HTRA3: variants seen among roughly 807,000 people sequenced by gnomAD.
The protein encoded by HTRA3 is HtrA serine peptidase 3, also known as serine protease HTRA3.
A neutral mutation model predicts 43.2 loss-of-function variants in HTRA3; 41 were observed. The ratio of observed to expected loss-of-function variants is 0.95; its 90% confidence interval spans 0.74 to 1.23. HTRA3 has a LOEUF of 1.23. HTRA3 is among the 50% of genes most tolerant of loss of function. HTRA3 has a pLI of 0.00. For synonymous variants in HTRA3, 295 were observed against 287.9 expected, an observed-to-expected ratio of 1.02 and a Z score of -0.25; for missense variants, 628 against 647.1, an observed-to-expected ratio of 0.97 and a Z score of 0.32.
chr4:8,271,910 G>A (rs543346767), intron 1 of HTRA3, among the ~76,000 whole-genome samples: 15 of 152,202 alleles, frequency 9.9e-5, no homozygotes, highest in Non-Finnish European at 1.8e-4. Context: ...GATGAGGTCC[G>A]GCTTGTGTTG....
At chr4:8,283,298 A>T (rs1187101395) in intron 2 of HTRA3, among the ~76,000 whole-genome samples, 1 of 151,976 alleles carries the variant, frequency 6.6e-6, no homozygotes, top group Non-Finnish European at 1.5e-5. Flanking sequence ...GTGTGGCTTC[A>T]CCCCCGAGCA....
chr4:8,270,167 G>A lies in HTRA3; in HGVS notation c.199G>A (p.Asp67Asn). ...GGGCGAGCCCTGTGGCGGCCCTCTG[G>A]ACTCGCCTTGCGGCGAGAGCCTGGA... ...SEGEPCGGPL[D>N]SPCGESLECV... is the part of the protein sequence containing the mutation. The change falls in exon 1 of 9, where the codon GAC becomes AAC. Residue 67 changes from aspartate (D) to asparagine (N), a missense_variant. Physicochemically the swap from Asp to Asn is conservative, Grantham distance 23. Transcript: ENST00000307358. 6.5e-7 allele frequency: 1 copy of A among 1,539,046 alleles called. No homozygotes were observed. The highest frequency in any genetic ancestry group is 8.6e-7 in the Non-Finnish European group (1 of 1,156,328).
In HTRA3 at chr4:8,286,565, C is replaced by A. The variant is rs1466876815; in HGVS notation, c.490C>A (p.Pro164Thr). 2 of 1,613,536 alleles carry A rather than the reference C, an allele frequency of 1.2e-6. No individual in the cohort carries two copies. The highest frequency in any genetic ancestry group is 1.1e-5 in the South Asian group (1 of 91,058). The change falls in exon 3 of 9, where the codon CCG (proline) becomes ACG (threonine). Residue 164 changes from proline to threonine, a missense_variant. Coordinates refer to ENST00000307358, the MANE Select transcript of HTRA3 (RefSeq NM_053044.5). The surrounding 1 kb of genome is among the most constrained non-coding windows in gnomAD (Gnocchi z 4.9). ...VVHIELFLRH[P>T]LFGRNVPLSS... ...CCTGTGTCTCCCTGGCTGCAGACAC[C>A]CGCTGTTTGGCCGCAACGTGCCCCT...
chr4:8,289,249 CA>C (rs1713130143), intron 3 of HTRA3, among the ~76,000 whole-genome samples: 1 of 152,206 alleles, frequency 6.6e-6, no homozygotes, highest in Non-Finnish European at 1.5e-5. Flanking sequence ...GGTGCCCAGC[CA>C]ACAAATTTTC....
chr4:8,304,059 G>A lies in HTRA3; in HGVS notation c.1101-125G>A. ...CACAGAGTGGCCAGTGGTGGGACAG[G>A]GCAGTATGGGGGCCCAGAGGTGGCT... On this transcript the variant is annotated intron_variant, in intron 7 of 8. Coordinates refer to ENST00000307358, the MANE Select transcript of HTRA3 (RefSeq NM_053044.5). 5.9e-6 allele frequency: 4 copies of A among 673,880 alleles called. No individual in the cohort carries two copies. The South Asian group carries it at 7.2e-5, about 12-fold the overall frequency. The allele number at this position is 673,880 out of a possible 1,614,324, so 41.7% of individuals were successfully genotyped here.
rs745539771 is a variant in HTRA3 at position 8,270,141 on chromosome 4, A to T, written c.173A>T (p.Glu58Val). Reference protein sequence around the residue: ...CNCCLVCAASEGEPCGGPLDS... With the variant: ...CNCCLVCAASVGEPCGGPLDS... ...TGCTGCCTGGTGTGCGCCGCCAGCG[A>T]GGGCGAGCCCTGTGGCGGCCCTCTG... The change falls in exon 1 of 9, where the codon GAG (glutamate) becomes GTG (valine). Residue 58 changes from glutamate (E) to valine (V), a missense_variant. Physicochemically the swap from Glu to Val is moderately radical, Grantham distance 121. Transcript: ENST00000307358. 6.5e-7 allele frequency: 1 copy of T among 1,544,052 alleles called. No individual in the cohort carries two copies. Among genetic ancestry groups the T allele is most frequent in the Admixed American group, 1.9e-5 (1 of 52,302 alleles).
Position 8,286,583 on chromosome 4 carries a change from G to C in HTRA3, c.508G>C (p.Val170Leu). ...FLRHPLFGRNVPLSSGSGFIM... is the reference protein window; with the variant it reads ...FLRHPLFGRNLPLSSGSGFIM... ...CAGACACCCGCTGTTTGGCCGCAAC[G>C]TGCCCCTGTCCAGCGGTTCTGGCTT... Residue 170 changes from valine (V) to leucine (L), a missense_variant, in exon 3 of 9, where the codon GTG (valine) becomes CTG (leucine). By Grantham distance (32) the Val-to-Leu change is conservative. Coordinates refer to ENST00000307358, the MANE Select transcript of HTRA3 (RefSeq NM_053044.5). The surrounding 1 kb of genome is among the most constrained non-coding windows in gnomAD (Gnocchi z 4.9). The C allele has an allele frequency of 6.2e-7, 1 of 1,613,982 alleles. No individual in the cohort carries two copies. The highest frequency in any genetic ancestry group is 8.5e-7 in the Non-Finnish European group (1 of 1,180,030).
chr4:8,291,249 G>A (rs1315266870), intron 3 of HTRA3, 121 bp from the exon 4 acceptor site: 12 of 840,862 alleles, frequency 1.4e-5, no homozygotes, highest in Non-Finnish European at 9.9e-6. Flanking sequence ...TCACAGTCCT[G>A]GTGGCTTTGC....
At chr4:8,272,781 C>T (rs1306976383) in intron 1 of HTRA3, among the ~76,000 whole-genome samples, 1 of 152,230 alleles carries the variant, frequency 6.6e-6, no homozygotes, top group Non-Finnish European at 1.5e-5. Context: ...CCCGAGAGCC[C>T]TGTCGCCACC....
chr4:8,296,485 C>CTTTAGAT lies in HTRA3; in HGVS notation c.1051+2285_1051+2286insTTAGATT, dbSNP rs1713462356. Reference sequence around the variant, plus strand: ...ATCCAATGATCCAAACCCAGTTAATCTAAAGTTCTTTGAAATGAACCATCT... The same window carrying CTTTAGAT: ...ATCCAATGATCCAAACCCAGTTAATCTTTAGATTAAAGTTCTTTGAAATGAACCATCT... On this transcript the variant is annotated intron_variant, in intron 6 of 8. Coordinates refer to ENST00000307358, the MANE Select transcript of HTRA3 (RefSeq NM_053044.5). The surrounding 1 kb of genome is among the most constrained non-coding windows in gnomAD (Gnocchi z 5.3). 1.0e-6 allele frequency: 1 copy of CTTTAGAT among 984,834 alleles called. No homozygotes were observed. Among genetic ancestry groups the CTTTAGAT allele is most frequent in the South Asian group, 4.7e-5 (1 of 21,274 alleles). 61.0% of individuals were successfully genotyped at this position (984,834 alleles called of 1,614,324 possible). A position where few individuals can be genotyped will look rare whatever the true frequency, so the allele number is the denominator to read the frequency against.
intron 5 of HTRA3, 51 bp downstream of exon 5, chr4:8,292,404 C>T: frequency 6.7e-7 from 1 of 1,494,648 alleles, no homozygotes; most frequent in Non-Finnish European, 9.3e-7. Flanking sequence ...GTTCTTCTCA[C>T]ATGGGGGTGC....
At chr4:8,283,738 G>A (rs575346210) in intron 2 of HTRA3, among the ~76,000 whole-genome samples, 2 of 152,222 alleles carry the variant, frequency 1.3e-5, no homozygotes, top group Non-Finnish European at 2.9e-5. Context: ...ACCAGAGGCC[G>A]CAGGCCAGGG....
intron 1 of HTRA3, among the ~76,000 whole-genome samples, chr4:8,278,820 A>G (rs1712630965): frequency 1.3e-5 from 2 of 152,218 alleles, no homozygotes; most frequent in African/African-American, 4.8e-5. Flanking sequence ...CCTGGGCCAT[A>G]AAATGGGCGA....
rs1330722632 is a variant in HTRA3 at position 8,306,741 on chromosome 4, A to T, written c.*605A>T. The T allele has an allele frequency of 6.6e-6, 1 of 152,544 alleles. No homozygotes were observed. Among genetic ancestry groups the T allele is most frequent in the Non-Finnish European group, 1.5e-5 (1 of 68,094 alleles). The allele number at this position is 152,544 out of a possible 1,614,324, so 9.4% of individuals were successfully genotyped here. On this transcript the variant is annotated 3_prime_UTR_variant, in exon 9 of 9. Transcript: ENST00000307358. The surrounding 1 kb of genome is among the most constrained non-coding windows in gnomAD (Gnocchi z 8.9). ...CTGCGGAGCTGAGCCCCGCCCTGCC[A>T]TGAGGTTTTCCTCCCCAGGCAGGCA...
Position 8,297,887 on chromosome 4 carries a change from C to A in HTRA3, c.1051+3686C>A, listed in dbSNP as rs146891183. ...TCCCACTAAGAGCACCTGTCAAGAC[C>A]CCCCTGCTCCTGCAGCCCCACCTGC... On this transcript the variant is annotated intron_variant, in intron 6 of 8. Transcript: ENST00000307358. This position sits in a 1 kb window ranked among gnomAD's most constrained non-coding sequence, Gnocchi z 5.8. Among the ~76,000 whole-genome samples the A allele has an allele frequency of 7.2e-4, 110 of 152,294 alleles. No homozygotes were observed. Among genetic ancestry groups the A allele is most frequent in the Non-Finnish European group, 1.5e-3 (104 of 68,008 alleles).
chr4:8,305,467 C>G (rs1713806120), intron 8 of HTRA3, among the ~76,000 whole-genome samples: 1 of 152,252 alleles, frequency 6.6e-6, no homozygotes, highest in Admixed American at 6.5e-5. Flanking sequence ...ATGTGAGGGT[C>G]CTGATGCTGG....
At chr4:8,290,779 C>T (rs989551729) in intron 3 of HTRA3, among the ~76,000 whole-genome samples, 3 of 152,170 alleles carry the variant, frequency 2.0e-5, no homozygotes, top group South Asian at 2.1e-4. Flanking sequence ...GCTGGGCCCG[C>T]GCAAAAGCAG....
chr4:8,291,520 C>G lies in HTRA3; in HGVS notation c.859C>G (p.Arg287Gly). The G allele has an allele frequency of 1.2e-6, 2 of 1,611,130 alleles. No individual in the cohort carries two copies. The highest frequency in any genetic ancestry group is 1.7e-6 in the Non-Finnish European group (2 of 1,178,864). ...GCGGGAGGGCAGGGAGCTGGGCCTC[C>G]GGGACTCCGACATGGACTACATCCA... ...AQREGRELGL[R>G]DSDMDYIQTD... is the part of the protein sequence containing the mutation. Residue 287 changes from arginine to glycine, a missense_variant, in exon 4 of 9, where the codon CGG becomes GGG. Coordinates refer to ENST00000307358, the MANE Select transcript of HTRA3 (RefSeq NM_053044.5).
In HTRA3 at chr4:8,276,120, C is replaced by T. The variant is rs564270038; in HGVS notation, c.385+5767C>T. Among the ~76,000 whole-genome samples, 194 of 152,378 alleles carry T rather than the reference C, an allele frequency of 1.3e-3. 1 individual carries two copies. The highest frequency in any genetic ancestry group is 2.2e-3 in the Non-Finnish European group (151 of 68,042). ...TCCCTGGAATTGTGCAATGTACAGCCTGCCCACCTGTGTGCATTACCCTGC... is the reference window on the plus strand; with the variant it reads ...TCCCTGGAATTGTGCAATGTACAGCTTGCCCACCTGTGTGCATTACCCTGC... On this transcript the variant is annotated intron_variant, in intron 1 of 8. Transcript: ENST00000307358.
Sources: gnomAD v4.1 joint callset for allele counts (sites outside exome capture counted in the v4.1 genomes callset) on GRCh38, gnomAD v4.1.1 for gene constraint, Gnocchi (gnomAD v3.1) non-coding constraint, MANE v1.5 for transcripts, NCBI Gene and HGNC (gene_info 2026-07-23, HGNC 2026-07-21) for gene names.